ZEB1: variants seen among roughly 807,000 people sequenced by gnomAD.
The protein encoded by ZEB1 is zinc finger E-box-binding homeobox 1.
A neutral mutation model predicts 84.9 loss-of-function variants in ZEB1; 21 were observed. The ratio of observed to expected loss-of-function variants is 0.25; its 90% CI spans 0.18 to 0.36. ZEB1 has a LOEUF of 0.36. ZEB1 is among the 10% of genes least tolerant of loss of function. The probability of loss-of-function intolerance (pLI) is 1.00; values close to 1 mark genes in which losing one functional copy is unlikely to be tolerated. For missense variants in ZEB1, 1,104 were observed against 1,330.2 expected (o/e 0.83, Z 2.65); for synonymous variants, 420 against 471.1 (o/e 0.89, Z 1.41).
At chr10:31,487,232 A>G (rs2065868363) in intron 2 of ZEB1, among the ~76,000 whole-genome samples, 1 of 151,338 alleles carries the variant, frequency 6.6e-6, no homozygotes, top group African/African-American at 2.4e-5. Flanking sequence ...TTTGGCTATT[A>G]TAGTTCCTTT....
intron 1 of ZEB1, among the ~76,000 whole-genome samples, chr10:31,399,988 GA>G (rs1367360737): frequency 6.6e-6 from 1 of 152,124 alleles, no homozygotes; most frequent in Non-Finnish European, 1.5e-5. Flanking sequence ...CTCATTACTT[GA>G]GATTTGTACT....
At chr10:31,469,907 T>A (rs1017620602) in intron 2 of ZEB1, among the ~76,000 whole-genome samples, 17 of 152,172 alleles carry the variant, frequency 1.1e-4, no homozygotes, top group Admixed American at 9.8e-4. Flanking sequence ...CCCTGACCCC[T>A]AACCCCCGAG....
intron 1 of ZEB1, chr10:31,320,251 C>G (rs1231299415): frequency 6.6e-6 from 1 of 152,058 alleles, no homozygotes. Context: ...TGGGGGCGAG[C>G]TGGGCGGCGG....
intron 1 of ZEB1, among the ~76,000 whole-genome samples, chr10:31,457,767 A>G (rs2061407540): frequency 6.6e-6 from 1 of 152,114 alleles, no homozygotes; most frequent in African/African-American, 2.4e-5. Context: ...AAAAGAACTC[A>G]GTAAAAAAAT....
At chr10:31,501,836 G>A (rs747511077) in intron 3 of ZEB1, among the ~76,000 whole-genome samples, 2 of 151,982 alleles carry the variant, frequency 1.3e-5, no homozygotes, top group Non-Finnish European at 2.9e-5. Flanking sequence ...TCCCTCGCTC[G>A]CTCTCAAATT....
Position 31,527,313 on chromosome 10 carries a change from C to T in ZEB1, c.*49C>T. ...ATTCTAATTGATAATGAATTTCGTT[C>T]AATATTATCCTTGCTTTTCATGGAA... On this transcript the variant is annotated 3_prime_UTR_variant, in exon 9 of 9. Coordinates refer to ENST00000424869, the MANE Select transcript of ZEB1 (RefSeq NM_001174096.2). 1.3e-6 allele frequency: 2 copies of T among 1,551,322 alleles called. No individual in the cohort carries two copies. Among genetic ancestry groups the T allele is most frequent in the Non-Finnish European group, 1.7e-6 (2 of 1,152,626 alleles).
intron 1 of ZEB1, chr10:31,321,449 A>C: frequency 1.2e-6 from 2 of 1,613,966 alleles, no homozygotes; most frequent in South Asian, 2.2e-5. Flanking sequence ...AGGCTATTGC[A>C]ATTTTAATTT....
intron 1 of ZEB1, among the ~76,000 whole-genome samples, chr10:31,329,855 ACTGT>A (rs1016116264): frequency 1.8e-4 from 28 of 152,138 alleles, no homozygotes; most frequent in African/African-American, 6.5e-4. Context: ...TCCTTTGTGA[ACTGT>A]CTGTTCAAAT....
chr10:31,483,520 C>T (rs1387692944), intron 2 of ZEB1, among the ~76,000 whole-genome samples: 1 of 151,932 alleles, frequency 6.6e-6, no homozygotes, highest in East Asian at 1.9e-4. Context: ...AGTATCAATG[C>T]CCATCCATAT....
At chr10:31,444,695 C>G (rs2059528333) in intron 1 of ZEB1, among the ~76,000 whole-genome samples, 1 of 151,972 alleles carries the variant, frequency 6.6e-6, no homozygotes, top group African/African-American at 2.4e-5. Flanking sequence ...GCTTGTTTTT[C>G]TCAGGTTTGT....
rs1341264547 is a variant in ZEB1, at chr10:31,386,791, G to T, written c.58+67499G>T. On this transcript the variant is annotated intron_variant, in intron 1 of 8. Coordinates refer to ENST00000424869, the MANE Select transcript of ZEB1 (RefSeq NM_001174096.2). ...TGGCTCTAACCCATTGCTTTTTAAT[G>T]AGTTTAGCTATGTATATATATTTTA... Among the ~76,000 whole-genome samples, 4 of 152,086 alleles carry T rather than the reference G, an allele frequency of 2.6e-5. No homozygotes were observed. The East Asian group carries it at 7.7e-4, about 29-fold the overall frequency.
In ZEB1 at chr10:31,511,067, T is replaced by C. The variant is rs566555417; in HGVS notation, c.687+192T>C. On this transcript the variant is annotated intron_variant, in intron 5 of 8. Transcript: ENST00000424869. ...CATTCCTGAGATTAAAAACCACATATGAACGTTACTTTAGAGGTAACTCAG... is the reference window on the plus strand; with the variant it reads ...CATTCCTGAGATTAAAAACCACATACGAACGTTACTTTAGAGGTAACTCAG... 3.3e-5 allele frequency among the ~76,000 whole-genome samples: 5 copies of C among 152,366 alleles called. No individual in the cohort carries two copies. In the South Asian group the frequency reaches 1.0e-3, roughly 32 times the overall value.
At chr10:31,422,371 T>C (rs2056316156) in intron 1 of ZEB1, among the ~76,000 whole-genome samples, 1 of 152,168 alleles carries the variant, frequency 6.6e-6, no homozygotes, top group Non-Finnish European at 1.5e-5. Flanking sequence ...TGTTCAGGAA[T>C]CTTCATATTG....
chr10:31,498,150 C>G (rs1479197698), intron 3 of ZEB1, among the ~76,000 whole-genome samples: 1 of 151,966 alleles, frequency 6.6e-6, no homozygotes, highest in Non-Finnish European at 1.5e-5. Flanking sequence ...AGTTTATCAT[C>G]TAAAGACCAG....
intron 1 of ZEB1, among the ~76,000 whole-genome samples, chr10:31,404,220 G>A (rs917646223): frequency 8.1e-5 from 12 of 147,908 alleles, no homozygotes; most frequent in Admixed American, 6.1e-4. Context: ...TTCTGCAGCC[G>A]TTTTTTTTTT....
chr10:31,349,106 A>G (rs991947366), intron 1 of ZEB1, among the ~76,000 whole-genome samples: 1 of 152,156 alleles, frequency 6.6e-6, no homozygotes, highest in Admixed American at 6.5e-5. Context: ...GGTTACCACC[A>G]TTCTACTCTC....
At chr10:31,363,189 G>A (rs1045331938) in intron 1 of ZEB1, 4 of 1,533,916 alleles carry the variant, frequency 2.6e-6, no homozygotes, top group Non-Finnish European at 3.5e-6. Flanking sequence ...CTGGAGAGCT[G>A]GGCAGGTGGT....
chr10:31,321,073 T>C (rs1239920576), intron 1 of ZEB1: 2 of 881,086 alleles, frequency 2.3e-6, no homozygotes, highest in African/African-American at 3.6e-5. Context: ...AACGAGGAAA[T>C]ACGTGTTTAG....
At chr10:31,379,229 C>T (rs917047008) in intron 1 of ZEB1, among the ~76,000 whole-genome samples, 5 of 151,962 alleles carry the variant, frequency 3.3e-5, no homozygotes, top group African/African-American at 1.2e-4. Flanking sequence ...AGGCAGCATG[C>T]TTTTGTTGAG....
Sources: allele counts gnomAD v4.1 joint callset (sites outside exome capture counted in the v4.1 genomes callset), GRCh38; gene constraint gnomAD v4.1.1; transcripts MANE v1.5; gene names NCBI Gene and HGNC (gene_info 2026-07-23, HGNC 2026-07-21).